Variants in SVIL observed in about 807,000 individuals in gnomAD.
SVIL encodes archvillin.
A neutral mutation model predicts 240.4 loss-of-function variants in SVIL; 101 were observed. That is an observed-to-expected ratio of 0.42 (90% CI 0.36 to 0.50). The LOEUF (loss-of-function observed/expected upper bound fraction) is 0.50, where lower values mean the gene tolerates loss of function less well. Among genes scored for constraint, SVIL ranks in the 20% least tolerant of loss-of-function variants. The pLI, the probability that SVIL is intolerant of heterozygous loss-of-function variation, is 0.01. For synonymous variants in SVIL, 999 were observed against 1,100.0 expected (o/e 0.91, Z 1.82); for missense variants, 2,512 against 2,818.7 (o/e 0.89, Z 2.46).
At chr10:29,492,485 G>T (rs1010145136) in intron 21 of SVIL, among the ~76,000 whole-genome samples, 4 of 152,066 alleles carry the variant, frequency 2.6e-5, no homozygotes, top group African/African-American at 4.8e-5. Context: ...TGTTCAGCGC[G>T]TGAGCCAGTA....
intron 29 of SVIL, among the ~76,000 whole-genome samples, chr10:29,475,774 C>T (rs747950685): frequency 2.0e-4 from 30 of 152,168 alleles, no homozygotes; most frequent in Non-Finnish European, 3.5e-4. Context: ...GGAACACCCA[C>T]ACAGGTTTAA....
intron 13 of SVIL, among the ~76,000 whole-genome samples, chr10:29,526,708 C>A (rs775519676): frequency 6.6e-6 from 1 of 152,220 alleles, no homozygotes; most frequent in Non-Finnish European, 1.5e-5. Flanking sequence ...AACAAAGCAA[C>A]TGGATACGTG....
chr10:29,635,768 T>C (rs1252737007), upstream of SVIL, among the ~76,000 whole-genome samples: 1 of 152,174 alleles, frequency 6.6e-6, no homozygotes, highest in Non-Finnish European at 1.5e-5. Context: ...TCCCTGTCGG[T>C]ACCAAGAACA....
At chr10:29,539,285 C>T (rs571194949) in intron 6 of SVIL, among the ~76,000 whole-genome samples, 11 of 152,208 alleles carry the variant, frequency 7.2e-5, no homozygotes, top group Non-Finnish European at 1.3e-4. Flanking sequence ...TCACAGTCAA[C>T]ACAGCAATGA....
chr10:29,636,404 T>C (rs1415822975), upstream of SVIL, among the ~76,000 whole-genome samples: 1 of 152,214 alleles, frequency 6.6e-6, no homozygotes, highest in Non-Finnish European at 1.5e-5. Context: ...ACAATAGTGC[T>C]ATTTCCTTCC....
At chr10:29,548,916 T>C (rs958906434) in intron 6 of SVIL, among the ~76,000 whole-genome samples, 7 of 152,188 alleles carry the variant, frequency 4.6e-5, no homozygotes, top group Admixed American at 3.3e-4. Flanking sequence ...ATGACACCTG[T>C]TCAGTTTGTT....
At chr10:29,712,044 T>A (rs1055194162) in intron 1 of SVIL, 6 of 152,122 alleles carry the variant, frequency 3.9e-5, no homozygotes, top group South Asian at 2.1e-4. Context: ...ATTTAAAAAA[T>A]TTTAAAGAAA....
chr10:29,469,295 T>C (rs921891578), intron 32 of SVIL, among the ~76,000 whole-genome samples: 5 of 152,172 alleles, frequency 3.3e-5, no homozygotes, highest in African/African-American at 9.6e-5. Flanking sequence ...TCTGCCTCCC[T>C]GTAGAGAGGT....
At chr10:29,509,742 C>T (rs376674837) in intron 17 of SVIL, among the ~76,000 whole-genome samples, 62 of 152,096 alleles carry the variant, frequency 4.1e-4, no homozygotes, top group African/African-American at 1.2e-3. Context: ...CGCAGCTACT[C>T]GGGAGGCTGA....
chr10:29,513,955 GACAA>G (rs931546688), intron 16 of SVIL, among the ~76,000 whole-genome samples: 2 of 148,204 alleles, frequency 1.3e-5, no homozygotes, highest in African/African-American at 5.0e-5. Context: ...ATTTACGCTG[GACAA>G]ACAAACATGG....
intron 3 of SVIL, among the ~76,000 whole-genome samples, chr10:29,653,343 G>A (rs1435442024): frequency 6.6e-6 from 1 of 152,100 alleles, no homozygotes; most frequent in African/African-American, 2.4e-5. Context: ...CATGCAGGCT[G>A]TGTCTGCTTC....
intron 5 of SVIL, among the ~76,000 whole-genome samples, chr10:29,553,559 C>T (rs972707134): frequency 2.9e-5 from 4 of 135,630 alleles, no homozygotes; most frequent in East Asian, 2.2e-4. Flanking sequence ...CCAGCCTGGG[C>T]GACAAGAGCA....
At chr10:29,701,570 A>G (rs1330870122) in intron 1 of SVIL, among the ~76,000 whole-genome samples, 1 of 152,216 alleles carries the variant, frequency 6.6e-6, no homozygotes, top group Non-Finnish European at 1.5e-5. Context: ...AATTTTCCCT[A>G]TTGAAACTGA....
chr10:29,603,216 C>G (rs1956882488), intron 1 of SVIL, among the ~76,000 whole-genome samples: 1 of 151,758 alleles, frequency 6.6e-6, no homozygotes, highest in Non-Finnish European at 1.5e-5. Context: ...GAAAGATCCC[C>G]CACAAACCCT....
At chr10:29,664,282 G>GT (rs897622541) in intron 2 of SVIL, among the ~76,000 whole-genome samples, 8 of 152,014 alleles carry the variant, frequency 5.3e-5, no homozygotes, top group East Asian at 3.9e-4. Flanking sequence ...TTAAATGTAT[G>GT]TTTTTTTTGA....
chr10:29,509,444 G>C (rs1199502993), intron 17 of SVIL, among the ~76,000 whole-genome samples: 1 of 150,454 alleles, frequency 6.6e-6, no homozygotes, highest in East Asian at 2.0e-4. Context: ...GTGCTCTTAA[G>C]CTCTTGATCA....
rs1423857682 is a variant in SVIL, at chr10:29,484,278, G to A, written c.4955+378C>T. On this transcript the variant is annotated intron_variant, in intron 27 of 37. Transcript: ENST00000355867. This position sits in a 1 kb window ranked among gnomAD's most constrained non-coding sequence, Gnocchi z 4.7. The stretch of plus-strand genomic sequence containing the variant: ...AATTAGAGGGAGGCATGTTGCTTTT[G>A]CACTTTCAGATCAATGGCTGAATTC... Among the ~76,000 whole-genome samples the A allele has an allele frequency of 2.6e-5, 4 of 152,148 alleles. No homozygotes were observed. The highest frequency in any genetic ancestry group is 5.9e-5 in the Non-Finnish European group (4 of 68,018).
chr10:29,692,387 TC>T (rs1356344194), intron 1 of SVIL, among the ~76,000 whole-genome samples: 6 of 152,130 alleles, frequency 3.9e-5, no homozygotes, highest in Non-Finnish European at 5.9e-5. Flanking sequence ...TTCAGCCACT[TC>T]CTAACTTGGG....
At chr10:29,620,415 G>A (rs915386912) in intron 1 of SVIL, among the ~76,000 whole-genome samples, 1 of 152,152 alleles carries the variant, frequency 6.6e-6, no homozygotes, top group Non-Finnish European at 1.5e-5. Flanking sequence ...CCCTTATAGT[G>A]TCCCTAAATA....
Sources: allele counts gnomAD v4.1 joint callset (sites outside exome capture counted in the v4.1 genomes callset), GRCh38; gene constraint gnomAD v4.1.1; non-coding constraint Gnocchi (gnomAD v3.1); transcripts MANE v1.5; gene names NCBI Gene and HGNC (gene_info 2026-07-23, HGNC 2026-07-21).